Variants in SHISA6 observed in about 807,000 individuals in gnomAD.
The protein encoded by SHISA6 is protein shisa-6.
Under a neutral mutation model 47.9 loss-of-function variants are expected in SHISA6, and 22 were observed. The ratio of observed to expected loss-of-function variants is 0.46; its 90% CI spans 0.33 to 0.66. The LOEUF (loss-of-function observed/expected upper bound fraction) is 0.66. Among genes scored for constraint, SHISA6 ranks in the 30% least tolerant of loss-of-function variants. The pLI, the probability that SHISA6 is intolerant of heterozygous loss-of-function variation, is 0.02. For missense variants in SHISA6, 680 were observed against 764.6 expected, an observed-to-expected ratio of 0.89 and a Z score of 1.30; for synonymous variants, 388 against 337.8, an observed-to-expected ratio of 1.15 and a Z score of -1.63.
At chr17:11,434,263 T>C (rs1171673325) in intron 3 of SHISA6, among the ~76,000 whole-genome samples, 1 of 151,996 alleles carries the variant, frequency 6.6e-6, no homozygotes, top group African/African-American at 2.4e-5. Flanking sequence ...GGGCTTTCAC[T>C]ATGTTGGCCG....
At chr17:11,389,415 CTGGATCTCCCA>C (rs1913313366) in intron 3 of SHISA6, among the ~76,000 whole-genome samples, 1 of 152,212 alleles carries the variant, frequency 6.6e-6, no homozygotes, top group African/African-American at 2.4e-5. Flanking sequence ...TCAGGCATAG[CTGGATCTCCCA>C]TGGCCCCCGG....
chr17:11,383,061 C>T (rs1913074580), intron 3 of SHISA6, among the ~76,000 whole-genome samples: 1 of 150,764 alleles, frequency 6.6e-6, no homozygotes, highest in Non-Finnish European at 1.5e-5. Context: ...CCTCAGCCTC[C>T]CAAGTAGCTG....
intron 3 of SHISA6, among the ~76,000 whole-genome samples, chr17:11,515,313 A>AAAGGAAGGAAGGAAGGAAGGAAGG (rs200856515): frequency 1.7e-4 from 22 of 130,812 alleles, no homozygotes; most frequent in Non-Finnish European, 2.6e-4. Flanking sequence ...GAAGAAAGAA[A>AAAGGAAGGAAGGAAGGAAGGAAGG]AAGGAAGGAA....
chr17:11,481,082 C>T (rs1243489238), intron 3 of SHISA6, among the ~76,000 whole-genome samples: 1 of 151,628 alleles, frequency 6.6e-6, no homozygotes, highest in Non-Finnish European at 1.5e-5. Flanking sequence ...AGTTCGAGAC[C>T]AGCCGGGCCA....
chr17:11,370,105 A>T (rs1288298402), intron 2 of SHISA6, among the ~76,000 whole-genome samples: 1 of 152,162 alleles, frequency 6.6e-6, no homozygotes, highest in Non-Finnish European at 1.5e-5. Context: ...CTCTGACTTT[A>T]TCTTGATGGC....
At chr17:11,269,922 C>T (rs1051773336) in intron 2 of SHISA6, among the ~76,000 whole-genome samples, 1 of 152,098 alleles carries the variant, frequency 6.6e-6, no homozygotes, top group African/African-American at 2.4e-5. Context: ...TAGCCACATG[C>T]GACTGTTGAG....
chr17:11,393,499 AT>A (rs1435998776), intron 3 of SHISA6, among the ~76,000 whole-genome samples: 3 of 152,096 alleles, frequency 2.0e-5, no homozygotes, highest in African/African-American at 7.2e-5. Flanking sequence ...ATTCTACCTC[AT>A]TTAACCAAAT....
Position 11,365,837 on chromosome 17 carries a change from C to T in SHISA6, c.800-13577C>T, listed in dbSNP as rs547094412. Among the ~76,000 whole-genome samples, 5 of 152,210 alleles carry T rather than the reference C, an allele frequency of 3.3e-5. No individual in the cohort carries two copies. The East Asian group carries it at 7.7e-4, about 24-fold the overall frequency. ...ATGATACATGCCCTTGATGAAAATA[C>T]AGTAATGTGATAGAGAATGTTGGGG... On this transcript the variant is annotated intron_variant, in intron 2 of 5. Transcript: ENST00000441885.
chr17:11,261,510 A>G (rs1054444335), intron 1 of SHISA6, among the ~76,000 whole-genome samples: 2 of 152,200 alleles, frequency 1.3e-5, no homozygotes, highest in Non-Finnish European at 2.9e-5. Context: ...CCTGGTAACC[A>G]CAGTTCTGCT....
chr17:11,258,925 C>CT (rs1337707512), intron 1 of SHISA6, among the ~76,000 whole-genome samples: 3 of 152,022 alleles, frequency 2.0e-5, no homozygotes, highest in East Asian at 3.9e-4. Flanking sequence ...ACAAATGTGA[C>CT]TAAGTGGATG....
chr17:11,358,572 G>T (rs1912151280), intron 2 of SHISA6, among the ~76,000 whole-genome samples: 1 of 151,886 alleles, frequency 6.6e-6, no homozygotes, highest in African/African-American at 2.4e-5. Context: ...TGTTAGCCAG[G>T]ATGGTCTCGA....
chr17:11,521,643 A>G (rs917472755), intron 3 of SHISA6, among the ~76,000 whole-genome samples: 2 of 151,982 alleles, frequency 1.3e-5, no homozygotes, highest in African/African-American at 2.4e-5. Context: ...CATCTCTACA[A>G]AAAACAAAAA....
At chr17:11,471,879 C>T (rs1209118410) in intron 3 of SHISA6, among the ~76,000 whole-genome samples, 2 of 152,106 alleles carry the variant, frequency 1.3e-5, no homozygotes, top group African/African-American at 4.8e-5. Flanking sequence ...TAGCTTCCCC[C>T]ATTACCAACA....
At chr17:11,287,013 C>T (rs1371977242) in intron 2 of SHISA6, among the ~76,000 whole-genome samples, 1 of 152,172 alleles carries the variant, frequency 6.6e-6, no homozygotes, top group Non-Finnish European at 1.5e-5. Context: ...GGTTCCTATT[C>T]AGTTTTTTCC....
intron 2 of SHISA6, among the ~76,000 whole-genome samples, chr17:11,332,508 T>A (rs1232076592): frequency 2.6e-5 from 4 of 152,116 alleles, no homozygotes; most frequent in African/African-American, 9.7e-5. Flanking sequence ...TTGTCAGTCG[T>A]AAAATAAACA....
intron 3 of SHISA6, among the ~76,000 whole-genome samples, chr17:11,413,826 G>A (rs967119654): frequency 1.3e-5 from 2 of 152,140 alleles, no homozygotes; most frequent in African/African-American, 4.8e-5. Context: ...CACGTAGCCA[G>A]CTCAGCTTTT....
intron 2 of SHISA6, among the ~76,000 whole-genome samples, chr17:11,266,135 G>A (rs12941011): frequency 0.78 from 119,166 of 152,196 alleles, 49,999 homozygotes; most frequent in Non-Finnish European, 0.92. Context: ...TGCAGTTTGA[G>A]CAGAAGTTGA....
At chr17:11,390,322 C>G (rs1913341826) in intron 3 of SHISA6, among the ~76,000 whole-genome samples, 1 of 152,150 alleles carries the variant, frequency 6.6e-6, no homozygotes. Context: ...ACCTACTTAT[C>G]AGGGCTGTTG....
At chr17:11,255,263 A>C (rs1907964398) in intron 1 of SHISA6, among the ~76,000 whole-genome samples, 1 of 152,166 alleles carries the variant, frequency 6.6e-6, no homozygotes, top group African/African-American at 2.4e-5. Context: ...CATTAGTGTG[A>C]AGATCCTTGA....
Sources: gnomAD v4.1 joint callset for allele counts (sites outside exome capture counted in the v4.1 genomes callset) on GRCh38, gnomAD v4.1.1 for gene constraint, MANE v1.5 for transcripts, NCBI Gene and HGNC (gene_info 2026-07-23, HGNC 2026-07-21) for gene names.